CNTN6: variants seen among roughly 807,000 people sequenced by gnomAD.
CNTN6 encodes the protein contactin-6.
In CNTN6, 137 loss-of-function variants were observed where a neutral mutation model predicts 122.8. That is an observed-to-expected ratio of 1.12 (90% CI 0.97 to 1.29). The LOEUF is 1.29. Ranked by LOEUF, CNTN6 falls within the 50% of genes most tolerant of loss-of-function variation. The pLI, the probability that CNTN6 is intolerant of heterozygous loss-of-function variation, is 0.00. For missense variants in CNTN6, 1,634 were observed against 1,223.4 expected, an observed-to-expected ratio of 1.34 and a Z score of -5.01; for synonymous variants, 570 against 426.0, an observed-to-expected ratio of 1.34 and a Z score of -4.16.
At chr3:1,127,777 T>A (rs969567719) in intron 1 of CNTN6, among the ~76,000 whole-genome samples, 1 of 151,928 alleles carries the variant, frequency 6.6e-6, no homozygotes, top group Non-Finnish European at 1.5e-5. Context: ...TTCTATTTTT[T>A]TCCAAATTTT....
chr3:1,317,235 T>A (rs1424785280), intron 7 of CNTN6, among the ~76,000 whole-genome samples: 2 of 148,920 alleles, frequency 1.3e-5, no homozygotes, highest in Non-Finnish European at 2.9e-5. Context: ...GATAATTTGT[T>A]GTTTTTTCTT....
intron 1 of CNTN6, among the ~76,000 whole-genome samples, chr3:1,137,334 A>G (rs1230635262): frequency 6.6e-6 from 1 of 152,230 alleles, no homozygotes; most frequent in Non-Finnish European, 1.5e-5. Context: ...GGAAATATGG[A>G]CTAGTGATGC....
intron 2 of CNTN6, among the ~76,000 whole-genome samples, chr3:1,201,104 T>C (rs1194410826): frequency 9.9e-5 from 3 of 30,264 alleles, no homozygotes; most frequent in African/African-American, 7.2e-4. Context: ...ACATTTTGTG[T>C]GTGTGTGTGT....
rs192714061 is a variant in CNTN6, at chr3:1,323,167, T to C, written c.946+1333T>C. 1.3e-4 allele frequency among the ~76,000 whole-genome samples: 20 copies of C among 151,900 alleles called. No individual in the cohort carries two copies. In the East Asian group the frequency reaches 2.9e-3, roughly 22 times the overall value. On this transcript the variant is annotated intron_variant, in intron 8 of 22. Transcript: ENST00000446702. The stretch of plus-strand genomic sequence containing the variant: ...TAGCAATTTTACAAACATTCACTTA[T>C]AGAATTCTTAATCTTAAGAAGTAGA...
chr3:1,343,063 A>G (rs1704134453), intron 11 of CNTN6, among the ~76,000 whole-genome samples: 1 of 152,154 alleles, frequency 6.6e-6, no homozygotes, highest in African/African-American at 2.4e-5. Context: ...AAGATGATGA[A>G]GAACTTTATT....
At chr3:1,389,477 A>G (rs1282304074) in intron 20 of CNTN6, among the ~76,000 whole-genome samples, 1 of 152,174 alleles carries the variant, frequency 6.6e-6, no homozygotes, top group African/African-American at 2.4e-5. Context: ...TGTAAAGACC[A>G]TCAAGACTAG....
intron 19 of CNTN6, among the ~76,000 whole-genome samples, chr3:1,384,780 T>G (rs1156365037): frequency 1.1e-4 from 14 of 130,418 alleles, no homozygotes; most frequent in Admixed American, 3.2e-4. Context: ...CACATATATA[T>G]ATATATATAT....
chr3:1,268,440 T>C (rs1292092631), intron 4 of CNTN6, among the ~76,000 whole-genome samples: 4 of 151,966 alleles, frequency 2.6e-5, no homozygotes, highest in African/African-American at 9.7e-5. Flanking sequence ...ACCCCGTCTC[T>C]ACTAAAAATA....
chr3:1,383,503 G>A (rs1692262461), intron 19 of CNTN6, 95 bp downstream of exon 19: 1 of 910,280 alleles, frequency 1.1e-6, no homozygotes, highest in African/African-American at 1.6e-5. Context: ...CCTGTTGTTA[G>A]CATATGATAA....
At chr3:1,309,789 G>A (rs866393624) in intron 7 of CNTN6, among the ~76,000 whole-genome samples, 4 of 152,062 alleles carry the variant, frequency 2.6e-5, no homozygotes, top group South Asian at 2.1e-4. Context: ...CGCTTATTTC[G>A]ATCTCTTTTA....
chr3:1,106,842 G>T (rs2091247648), intron 1 of CNTN6, among the ~76,000 whole-genome samples: 2 of 151,770 alleles, frequency 1.3e-5, no homozygotes, highest in South Asian at 4.2e-4. Context: ...CTGCATGGTG[G>T]GATTATTTTG....
At chr3:1,350,008 A>G (rs546692186) in intron 11 of CNTN6, among the ~76,000 whole-genome samples, 1 of 151,948 alleles carries the variant, frequency 6.6e-6, no homozygotes, top group South Asian at 2.1e-4. Context: ...TAGTTTGGCT[A>G]TTTTTATAAA....
intron 2 of CNTN6, among the ~76,000 whole-genome samples, chr3:1,162,088 T>G (rs2093147820): frequency 1.3e-5 from 2 of 152,148 alleles, no homozygotes. Context: ...TACCGAACCT[T>G]GCAGCTAACA....
intron 6 of CNTN6, among the ~76,000 whole-genome samples, chr3:1,296,620 T>C (rs188322191): frequency 1.6e-3 from 246 of 152,208 alleles, no homozygotes; most frequent in Non-Finnish European, 2.9e-3. Context: ...AGCAAGAATA[T>C]AATGCTAATG....
intron 7 of CNTN6, among the ~76,000 whole-genome samples, chr3:1,310,635 A>G (rs973176678): frequency 6.6e-6 from 1 of 152,138 alleles, no homozygotes; most frequent in African/African-American, 2.4e-5. Flanking sequence ...CATAGAGTGA[A>G]TTTAAAAATA....
chr3:1,251,121 A>G (rs1256596138), intron 4 of CNTN6, among the ~76,000 whole-genome samples: 2 of 152,072 alleles, frequency 1.3e-5, no homozygotes, highest in African/African-American at 4.8e-5. Flanking sequence ...GCCTTTGGTG[A>G]ATTTGGTATT....
chr3:1,286,447 G>A (rs1438989369), intron 5 of CNTN6, among the ~76,000 whole-genome samples: 1 of 152,056 alleles, frequency 6.6e-6, no homozygotes, highest in Non-Finnish European at 1.5e-5. Context: ...AACCTGCGGT[G>A]TTTGGTTTTC....
At chr3:1,336,271 A>G (rs994928216) in intron 11 of CNTN6, among the ~76,000 whole-genome samples, 5 of 151,750 alleles carry the variant, frequency 3.3e-5, no homozygotes, top group East Asian at 1.9e-4. Flanking sequence ...ATGGTGTACC[A>G]GGCACTTTAC....
chr3:1,229,053 T>C (rs79203164), intron 4 of CNTN6, among the ~76,000 whole-genome samples: 1 of 152,112 alleles, frequency 6.6e-6, no homozygotes, highest in Non-Finnish European at 1.5e-5. Context: ...CACATATACA[T>C]ATATACAGAT....
Sources: allele counts gnomAD v4.1 joint callset (sites outside exome capture counted in the v4.1 genomes callset), GRCh38; gene constraint gnomAD v4.1.1; transcripts MANE v1.5; gene names NCBI Gene and HGNC (gene_info 2026-07-23, HGNC 2026-07-21).